The following MFSD6 variants were observed in gnomAD, a reference collection of about 807,000 sequenced individuals.
The protein encoded by MFSD6 is major facilitator superfamily domain-containing protein 6.
MFSD6 carries 26 observed loss-of-function variants against 56.3 expected under a neutral mutation model. That is an observed-to-expected ratio of 0.46 (90% CI 0.34 to 0.64). The LOEUF is 0.64. Ranked by LOEUF, MFSD6 falls within the 30% of genes least tolerant of loss-of-function variation. The probability of loss-of-function intolerance (pLI) is 0.01; values close to 1 mark genes in which losing one functional copy is unlikely to be tolerated. For synonymous variants in MFSD6, 331 were observed against 366.9 expected (o/e 0.90, Z 1.12); for missense variants, 750 against 986.2 (o/e 0.76, Z 3.21).
Position 190,469,483 on chromosome 2 carries a change from G to T in MFSD6, c.1533-275G>T, listed in dbSNP as rs1425356661. ...CTGCTACAAATTAAGTTTCAGGAAG[G>T]GTGATGTTCACTTTTATATTAACAA... On this transcript the variant is annotated intron_variant, in intron 3 of 7. Coordinates refer to ENST00000392328, the MANE Select transcript of MFSD6 (RefSeq NM_017694.4). This position sits in a 1 kb window ranked among gnomAD's most constrained non-coding sequence, Gnocchi z 5.3. The T allele has an allele frequency of 3.5e-5, 6 of 170,808 alleles. No individual in the cohort carries two copies. Among genetic ancestry groups the T allele is most frequent in the Admixed American group, 6.3e-5 (1 of 15,886 alleles). 10.6% of individuals were successfully genotyped at this position (170,808 alleles called of 1,614,324 possible).
intron 1 of MFSD6, among the ~76,000 whole-genome samples, chr2:190,414,521 C>T (rs978158881): frequency 6.6e-6 from 1 of 152,084 alleles, no homozygotes; most frequent in African/African-American, 2.4e-5. Flanking sequence ...TAATGAGGCT[C>T]CCTGTAAAAG....
chr2:190,474,793 T>A (rs569983238), intron 4 of MFSD6, among the ~76,000 whole-genome samples: 12 of 152,316 alleles, frequency 7.9e-5, no homozygotes, highest in Admixed American at 2.0e-4. Flanking sequence ...ATATTCCTGA[T>A]GAAGATAGAT....
At chr2:190,464,857 A>T (rs1471696623) in intron 3 of MFSD6, 1 of 944,282 alleles carries the variant, frequency 1.1e-6, no homozygotes, top group Middle Eastern at 5.4e-4. Context: ...CATCTTAATA[A>T]ATGTTTATTG....
rs763089570 is a variant in MFSD6, at chr2:190,469,860, G to T, written c.1630+5G>T. 119 of 1,575,850 alleles carry T rather than the reference G, an allele frequency of 7.6e-5. No individual in the cohort carries two copies. Among genetic ancestry groups the T allele is most frequent in the Middle Eastern group, 3.3e-4 (2 of 6,018 alleles). On this transcript the variant is annotated splice_donor_5th_base_variant and intron_variant, in intron 4 of 7. Transcript: ENST00000392328. This position sits in a 1 kb window ranked among gnomAD's most constrained non-coding sequence, Gnocchi z 5.3. ...TCCCCATGGAAGTTCTTCAAGGTAA[G>T]TTAACAGCTGGGATTGAAATTATTT...
chr2:190,428,321 G>T (rs182350139), intron 2 of MFSD6, among the ~76,000 whole-genome samples: 4 of 152,298 alleles, frequency 2.6e-5, no homozygotes, highest in African/African-American at 9.6e-5. Flanking sequence ...GTCTTTCGGT[G>T]AATATACATA....
intron 6 of MFSD6, among the ~76,000 whole-genome samples, chr2:190,493,950 AG>A: frequency 6.6e-6 from 1 of 152,298 alleles, no homozygotes; most frequent in South Asian, 2.1e-4. Flanking sequence ...TCACACCTCA[AG>A]GAACTAGAGA....
At chr2:190,479,342 C>G (rs755818915) in intron 4 of MFSD6, among the ~76,000 whole-genome samples, 3 of 152,110 alleles carry the variant, frequency 2.0e-5, no homozygotes, top group Non-Finnish European at 4.4e-5. Context: ...TATAAAGAAG[C>G]AGAAAACATA....
chr2:190,436,794 A>G lies in MFSD6; in HGVS notation c.765A>G (p.Val255=). The part of the protein sequence containing the change: ...STATPVSPGS[V]TKETTTVIVT... ...CAACCCCTGTCTCCCCAGGAAGCGT[A>G]ACCAAGGAGACAACCACTGTTATTG... is the stretch of plus-strand genomic sequence containing the variant. The change falls in exon 3 of 8, where the codon GTA becomes GTG. Residue 255 remains valine, a synonymous_variant. Transcript: ENST00000392328. This position sits in a 1 kb window ranked among gnomAD's most constrained non-coding sequence, Gnocchi z 5.3. 1 of 1,614,222 alleles carries G rather than the reference A, an allele frequency of 6.2e-7. No homozygotes were observed. The highest frequency in any genetic ancestry group is 8.5e-7 in the Non-Finnish European group (1 of 1,180,036).
At chr2:190,408,123 C>T (rs990828433), upstream of MFSD6, among the ~76,000 whole-genome samples, 2 of 151,834 alleles carry the variant, frequency 1.3e-5, no homozygotes, top group Non-Finnish European at 2.9e-5. Context: ...CCGCCGCCGC[C>T]GCAGGAGGCG....
rs1685682977 is a variant in MFSD6 at position 190,423,144 on chromosome 2, T to C, written c.-54+7731T>C. Among the ~76,000 whole-genome samples the C allele has an allele frequency of 1.3e-5, 2 of 152,234 alleles. No individual in the cohort carries two copies. Among genetic ancestry groups the C allele is most frequent in the Admixed American group, 1.3e-4 (2 of 15,286 alleles). The stretch of plus-strand genomic sequence containing the variant: ...AATGTCCCATGTATCCTGTACCCCC[T>C]GACTTTTCCCCAGTGATAACATCTT... On this transcript the variant is annotated intron_variant, in intron 2 of 7. Transcript: ENST00000392328. The surrounding 1 kb of genome is among the most constrained non-coding windows in gnomAD (Gnocchi z 4.3).
At chr2:190,482,879 T>TG (rs1688765459) in intron 4 of MFSD6, among the ~76,000 whole-genome samples, 1 of 30,394 alleles carries the variant, frequency 3.3e-5, no homozygotes, top group Non-Finnish European at 9.1e-5. Context: ...TTTTTTTTTT[T>TG]TTTTTTTTTT....
rs753038419 is a variant in MFSD6, at chr2:190,433,157, T to C, written c.-53-2820T>C. ...GTGTGTGTGTTTATTGTCATTTTAG[T>C]GGGTTCAGGGAAGGATTCAAACTAC... is the stretch of plus-strand genomic sequence containing the variant. On this transcript the variant is annotated intron_variant, in intron 2 of 7. Transcript: ENST00000392328. The surrounding 1 kb of genome is among the most constrained non-coding windows in gnomAD (Gnocchi z 4.5). Among the ~76,000 whole-genome samples the C allele has an allele frequency of 3.9e-5, 6 of 152,194 alleles. No homozygotes were observed. The highest frequency in any genetic ancestry group is 8.8e-5 in the Non-Finnish European group (6 of 68,026).
chr2:190,483,070 T>C (rs992498294), intron 4 of MFSD6, among the ~76,000 whole-genome samples: 12 of 150,698 alleles, frequency 8.0e-5, no homozygotes, highest in African/African-American at 2.9e-4. Flanking sequence ...TTTTTTGTAT[T>C]TTTAGTAGAG....
Position 190,437,901 on chromosome 2 carries a change from A to G in MFSD6, c.1532+340A>G, listed in dbSNP as rs1686232039. On this transcript the variant is annotated intron_variant, in intron 3 of 7. Coordinates refer to ENST00000392328, the MANE Select transcript of MFSD6 (RefSeq NM_017694.4). This position sits in a 1 kb window ranked among gnomAD's most constrained non-coding sequence, Gnocchi z 5.9. ...GCTTAGTGAACATATTATTCCATGG[A>G]GGGTCCACCTGTCCTAGGCATTTAT... Among the ~76,000 whole-genome samples, 1 of 152,190 alleles carries G rather than the reference A, an allele frequency of 6.6e-6. No individual in the cohort carries two copies. Among genetic ancestry groups the G allele is most frequent in the African/African-American group, 2.4e-5 (1 of 41,456 alleles).
Position 190,497,071 on chromosome 2 carries a change from A to T in MFSD6, c.1892-368A>T, listed in dbSNP as rs569655167. On this transcript the variant is annotated intron_variant, in intron 6 of 7. Transcript: ENST00000392328. The surrounding 1 kb of genome is among the most constrained non-coding windows in gnomAD (Gnocchi z 5.2). Reference sequence around the variant, plus strand: ...AACCTGTGGGAATAAAACATTTTTTAAAAAATAACTATCACGTGGCTTTTC... The same window carrying T: ...AACCTGTGGGAATAAAACATTTTTTTAAAAATAACTATCACGTGGCTTTTC... Among the ~76,000 whole-genome samples the T allele has an allele frequency of 6.6e-6, 1 of 152,334 alleles. No individual in the cohort carries two copies. The highest frequency in any genetic ancestry group is 1.9e-4 in the East Asian group (1 of 5,190).
chr2:190,461,819 A>G lies in MFSD6; in HGVS notation c.1533-7939A>G, dbSNP rs1687344631. On this transcript the variant is annotated intron_variant, in intron 3 of 7. Coordinates refer to ENST00000392328, the MANE Select transcript of MFSD6 (RefSeq NM_017694.4). This position sits in a 1 kb window ranked among gnomAD's most constrained non-coding sequence, Gnocchi z 5.5. ...TACAGACATTTAAACTGTAGTATCT[A>G]CAATCTATGATTTCTACCAGTTTTA... 6.6e-6 allele frequency among the ~76,000 whole-genome samples: 1 copy of G among 152,244 alleles called. No individual in the cohort carries two copies. The highest frequency in any genetic ancestry group is 1.5e-5 in the Non-Finnish European group (1 of 68,040).
rs1467371917 is a variant in MFSD6 at position 190,417,994 on chromosome 2, GTGTGTGTA to G, written c.-54+2586_-54+2593del. Among the ~76,000 whole-genome samples, 6 of 150,790 alleles carry G rather than the reference GTGTGTGTA, an allele frequency of 4.0e-5. 1 individual carries two copies. In the South Asian group the frequency reaches 6.3e-4, roughly 16 times the overall value. On this transcript the variant is annotated intron_variant, in intron 2 of 7. Coordinates refer to ENST00000392328, the MANE Select transcript of MFSD6 (RefSeq NM_017694.4). This position sits in a 1 kb window ranked among gnomAD's most constrained non-coding sequence, Gnocchi z 5.7. ...TGTGTGTGTGTGTGTGTGTGTGTGT[GTGTGTGTA>G]TGTGAGAGAGAGAGAGATGTGGTTT...
In MFSD6 at chr2:190,500,420, C is replaced by A; in HGVS notation, c.*202C>A. On this transcript the variant is annotated 3_prime_UTR_variant, in exon 8 of 8. Transcript: ENST00000392328. The surrounding 1 kb of genome is among the most constrained non-coding windows in gnomAD (Gnocchi z 5.3). ...AGGAAAAGGTAAACTTTCGTAATCTCATTGGAATTACAACAGGGAAATGGA... is the reference window on the plus strand; with the variant it reads ...AGGAAAAGGTAAACTTTCGTAATCTAATTGGAATTACAACAGGGAAATGGA... 1.7e-6 allele frequency: 1 copy of A among 602,474 alleles called. No individual in the cohort carries two copies. The highest frequency in any genetic ancestry group is 2.9e-6 in the Non-Finnish European group (1 of 346,518). 37.3% of individuals were successfully genotyped at this position (602,474 alleles called of 1,614,324 possible). A position where few individuals can be genotyped will look rare whatever the true frequency, so the allele number is the denominator to read the frequency against.
Position 190,431,758 on chromosome 2 carries a change from A to G in MFSD6, c.-53-4219A>G, listed in dbSNP as rs1339782992. The stretch of plus-strand genomic sequence containing the variant: ...AGGGAGAGGGAGAGGGAGCATGAGC[A>G]TCTTGTTCTTTATTTTCCTAAGAAA... On this transcript the variant is annotated intron_variant, in intron 2 of 7. Coordinates refer to ENST00000392328, the MANE Select transcript of MFSD6 (RefSeq NM_017694.4). This position sits in a 1 kb window ranked among gnomAD's most constrained non-coding sequence, Gnocchi z 4.4. Among the ~76,000 whole-genome samples the G allele has an allele frequency of 1.3e-5, 2 of 152,112 alleles. No homozygotes were observed. The highest frequency in any genetic ancestry group is 2.1e-4 in the South Asian group (1 of 4,826).
Sources: allele counts gnomAD v4.1 joint callset (sites outside exome capture counted in the v4.1 genomes callset), GRCh38; gene constraint gnomAD v4.1.1; non-coding constraint Gnocchi (gnomAD v3.1); transcripts MANE v1.5; gene names NCBI Gene and HGNC (gene_info 2026-07-23, HGNC 2026-07-21).